The following SOX5 variants were observed in gnomAD, a reference collection of about 807,000 sequenced individuals.
SOX5 encodes the protein SRY-box transcription factor 5.
A neutral mutation model predicts 92.0 loss-of-function variants in SOX5; 9 were observed. The observed-to-expected ratio is 0.10, with a 90% CI of 0.06 to 0.17. SOX5 has a LOEUF of 0.17. Ranked by LOEUF, SOX5 falls within the 10% of genes least tolerant of loss-of-function variation. The pLI is 1.00. For synonymous variants in SOX5, 344 were observed against 336.3 expected (o/e 1.02, Z -0.25); for missense variants, 642 against 944.5 (o/e 0.68, Z 4.20).
chr12:23,821,430 T>C (rs989953007), intron 3 of SOX5, among the ~76,000 whole-genome samples: 1 of 152,234 alleles, frequency 6.6e-6, no homozygotes, highest in Non-Finnish European at 1.5e-5. Context: ...TTCTCTTGCC[T>C]GACTGCCCTG....
At chr12:23,872,589 A>G (rs1007315275) in intron 2 of SOX5, among the ~76,000 whole-genome samples, 12 of 147,564 alleles carry the variant, frequency 8.1e-5, no homozygotes, top group African/African-American at 3.2e-4. Flanking sequence ...AAAACTAGTT[A>G]ATTAATTCAC....
intron 1 of SOX5, among the ~76,000 whole-genome samples, chr12:23,914,577 CAAT>C (rs1432569968): frequency 6.6e-6 from 1 of 151,834 alleles, no homozygotes; most frequent in Non-Finnish European, 1.5e-5. Flanking sequence ...TGAGTGATAC[CAAT>C]AATAACAACA....
intron 1 of SOX5, among the ~76,000 whole-genome samples, chr12:24,442,312 GT>G (rs1940748248): frequency 6.6e-6 from 1 of 152,106 alleles, no homozygotes; most frequent in South Asian, 2.1e-4. Flanking sequence ...ACAAACATTT[GT>G]TTAGTTTCAG....
chr12:24,064,661 CTG>C (rs910263092), intron 4 of SOX5, among the ~76,000 whole-genome samples: 24 of 152,218 alleles, frequency 1.6e-4, no homozygotes, highest in African/African-American at 5.3e-4. Context: ...CCTTATGAGA[CTG>C]TGTTCAATAT....
In SOX5 at chr12:24,054,889, C is replaced by G. The variant is rs16927111; in HGVS notation, c.-2+158454G>C. ...CAAATAATGTAAATCTAGAATAAAA[C>G]AGAAGTCACCAGTTACAACTGTTAT... On this transcript the variant is annotated intron_variant, in intron 4 of 4. Transcript: ENST00000446891. Among the ~76,000 whole-genome samples, 843 of 152,204 alleles carry G rather than the reference C, an allele frequency of 5.5e-3. 8 individuals carry two copies. Among genetic ancestry groups the G allele is most frequent in the African/African-American group, 0.02 (814 of 41,506 alleles).
chr12:24,454,949 GATT>G lies in SOX5; in HGVS notation c.-250-86313_-250-86311del, dbSNP rs138792593. ...ACTCTCTCTTCTTAGAAAAAAAGATGATTATATGCTGTTTGACATCCTATTTTC... is the reference window on the plus strand; with the variant it reads ...ACTCTCTCTTCTTAGAAAAAAAGATGATATGCTGTTTGACATCCTATTTTC... On this transcript the variant is annotated intron_variant, in intron 1 of 4. Coordinates refer to the SOX5 transcript ENST00000446891. Among the ~76,000 whole-genome samples, 982 of 152,230 alleles carry G rather than the reference GATT, an allele frequency of 6.5e-3. 10 individuals carry two copies. The highest frequency in any genetic ancestry group is 0.02 in the African/African-American group (839 of 41,546).
intron 2 of SOX5, among the ~76,000 whole-genome samples, chr12:24,300,926 T>A (rs138442859): frequency 6.6e-6 from 1 of 151,936 alleles, no homozygotes; most frequent in East Asian, 1.9e-4. Context: ...TGTTGACCTA[T>A]GTCTTTCAAA....
intron 4 of SOX5, among the ~76,000 whole-genome samples, chr12:24,104,847 A>G (rs537363755): frequency 2.6e-5 from 4 of 152,354 alleles, no homozygotes; most frequent in African/African-American, 7.2e-5. Context: ...TTATTCCACG[A>G]CAGCCAAACA....
chr12:23,555,344 C>T (rs1944973780), intron 11 of SOX5, among the ~76,000 whole-genome samples: 2 of 152,108 alleles, frequency 1.3e-5, no homozygotes, highest in African/African-American at 4.8e-5. Context: ...CCCAATTTGG[C>T]ATGCCCTATG....
intron 4 of SOX5, among the ~76,000 whole-genome samples, chr12:23,995,478 T>C (rs982842229): frequency 1.3e-5 from 2 of 152,126 alleles, no homozygotes; most frequent in African/African-American, 4.8e-5. Context: ...AAGGATCACT[T>C]GAGGCCCAGG....
At chr12:24,033,717 A>T (rs2136898482) in intron 4 of SOX5, among the ~76,000 whole-genome samples, 1 of 152,156 alleles carries the variant, frequency 6.6e-6, no homozygotes, top group East Asian at 1.9e-4. Context: ...GAATGAATTC[A>T]AATTTCCAGA....
intron 4 of SOX5, among the ~76,000 whole-genome samples, chr12:24,088,702 T>C (rs1174775214): frequency 1.3e-5 from 2 of 151,990 alleles, no homozygotes; most frequent in Non-Finnish European, 2.9e-5. Context: ...TGGCTATAGA[T>C]TATACTGAGA....
At chr12:23,974,360 A>G (rs1338137798) in intron 4 of SOX5, among the ~76,000 whole-genome samples, 1 of 152,130 alleles carries the variant, frequency 6.6e-6, no homozygotes, top group African/African-American at 2.4e-5. Flanking sequence ...ACGTACCAAT[A>G]TTCATTTTTT....
chr12:23,679,409 A>C (rs901319146), intron 6 of SOX5, among the ~76,000 whole-genome samples: 4 of 152,058 alleles, frequency 2.6e-5, no homozygotes, highest in South Asian at 2.1e-4. Context: ...GCTGATGATG[A>C]TGATTCTTTG....
chr12:24,526,818 T>G (rs1422876998), intron 1 of SOX5, among the ~76,000 whole-genome samples: 1 of 152,062 alleles, frequency 6.6e-6, no homozygotes, highest in Admixed American at 6.5e-5. Context: ...AATTATCATA[T>G]TTCTTTTTTT....
chr12:24,562,178 G>T (rs1954434626), intron 1 of SOX5, among the ~76,000 whole-genome samples: 1 of 152,128 alleles, frequency 6.6e-6, no homozygotes, highest in African/African-American at 2.4e-5. Flanking sequence ...CTCCGGCGGC[G>T]GCCCCCTCCC....
At chr12:23,895,613 C>A (rs2097169315) in intron 2 of SOX5, among the ~76,000 whole-genome samples, 180 bp downstream of exon 2, 1 of 152,096 alleles carries the variant, frequency 6.6e-6, no homozygotes, top group Admixed American at 6.6e-5. Context: ...GAAACGAAAA[C>A]AGCGTATCTT....
chr12:23,649,820 G>A (rs2081327845), intron 7 of SOX5, among the ~76,000 whole-genome samples: 1 of 151,930 alleles, frequency 6.6e-6, no homozygotes. Flanking sequence ...GTATAACACA[G>A]CCTAAGAAAA....
At chr12:24,357,799 C>T (rs112160134) in intron 2 of SOX5, among the ~76,000 whole-genome samples, 4 of 145,402 alleles carry the variant, frequency 2.8e-5, no homozygotes, top group South Asian at 2.2e-4. Context: ...GTAGATTGTG[C>T]GACTGCACTC....
Sources: allele counts gnomAD v4.1 joint callset (sites outside exome capture counted in the v4.1 genomes callset), GRCh38; gene constraint gnomAD v4.1.1; transcripts MANE v1.5; gene names NCBI Gene and HGNC (gene_info 2026-07-23, HGNC 2026-07-21).